The following DNAJC24 variants were observed in gnomAD, a reference collection of about 807,000 sequenced individuals.
DNAJC24 encodes the protein dnaJ homolog subfamily C member 24.
Under a neutral mutation model 18.0 loss-of-function variants are expected in DNAJC24, and 17 were observed. That is an observed-to-expected ratio of 0.94 (90% CI 0.65 to 1.42). The LOEUF (loss-of-function observed/expected upper bound fraction) is 1.42, where lower values mean the gene tolerates loss of function less well. Among genes scored for constraint, DNAJC24 ranks in the 40% most tolerant of loss-of-function variants. DNAJC24 has a pLI of 0.00. For synonymous variants in DNAJC24, 55 were observed against 57.7 expected, an observed-to-expected ratio of 0.95 and a Z score of 0.21; for missense variants, 158 against 175.6, an observed-to-expected ratio of 0.90 and a Z score of 0.57.
intron 2 of DNAJC24, among the ~76,000 whole-genome samples, chr11:31,377,826 A>T (rs932817329): frequency 6.6e-6 from 1 of 152,130 alleles, no homozygotes; most frequent in Non-Finnish European, 1.5e-5. Flanking sequence ...GGAAAATTAT[A>T]TGCTTCTGTT....
In DNAJC24 at chr11:31,430,225, T is replaced by G. The variant is rs1277787285; in HGVS notation, c.320-46T>G. 5.2e-6 allele frequency: 8 copies of G among 1,548,960 alleles called. No homozygotes were observed. The South Asian group carries it at 8.4e-5, about 16-fold the overall frequency. On this transcript the variant is annotated intron_variant, in intron 4 of 4. Coordinates refer to ENST00000465995, the MANE Select transcript of DNAJC24 (RefSeq NM_181706.5). ...GCACCTTTTAAGGGTATTAGTGAGG[T>G]AGTTACTTACAAGTCTTTGAAAGAT... is the stretch of plus-strand genomic sequence containing the variant.
chr11:31,390,392 T>C (rs1477810626), intron 2 of DNAJC24, among the ~76,000 whole-genome samples: 32 of 83,502 alleles, frequency 3.8e-4, no homozygotes, highest in African/African-American at 1.7e-3. Context: ...CAAGACTCTA[T>C]CTCAAAAAAA....
intron 2 of DNAJC24, chr11:31,384,658 C>G (rs760132935): frequency 2.0e-5 from 3 of 152,222 alleles, no homozygotes; most frequent in Non-Finnish European, 4.4e-5. Flanking sequence ...AGCCACACAG[C>G]ATGTGAAGTG....
chr11:31,379,070 T>C (rs1324714608), intron 2 of DNAJC24, among the ~76,000 whole-genome samples: 4 of 152,200 alleles, frequency 2.6e-5, no homozygotes, highest in Non-Finnish European at 5.9e-5. Flanking sequence ...AAGCCAGCTC[T>C]GGTATTTGTT....
intron 3 of DNAJC24, among the ~76,000 whole-genome samples, chr11:31,420,383 A>G (rs921774055): frequency 6.6e-6 from 1 of 152,076 alleles, no homozygotes; most frequent in African/African-American, 2.4e-5. Context: ...TGAACTAAAG[A>G]CACAGAATTG....
chr11:31,377,489 G>T (rs1952329181), intron 2 of DNAJC24, among the ~76,000 whole-genome samples: 1 of 151,970 alleles, frequency 6.6e-6, no homozygotes, highest in Non-Finnish European at 1.5e-5. Flanking sequence ...AAAAATAAAA[G>T]TAATTGAACC....
intron 2 of DNAJC24, among the ~76,000 whole-genome samples, chr11:31,376,620 A>T (rs1357265431): frequency 6.6e-6 from 1 of 152,198 alleles, no homozygotes; most frequent in South Asian, 2.1e-4. Flanking sequence ...TTTGTCAGAA[A>T]CACAGAATTA....
intron 2 of DNAJC24, among the ~76,000 whole-genome samples, chr11:31,396,852 A>T (rs1233656974): frequency 1.3e-5 from 2 of 152,062 alleles, no homozygotes; most frequent in African/African-American, 4.8e-5. Context: ...TTCCCTATCC[A>T]ACCATTCTTT....
chr11:31,412,402 G>T (rs755617409), intron 2 of DNAJC24, among the ~76,000 whole-genome samples: 1 of 152,048 alleles, frequency 6.6e-6, no homozygotes, highest in Non-Finnish European at 1.5e-5. Context: ...CCCTGTAAAC[G>T]TATCATAAAT....
At chr11:31,416,837 T>C (rs1352793480) in intron 3 of DNAJC24, 3 of 152,168 alleles carry the variant, frequency 2.0e-5, no homozygotes, top group East Asian at 3.9e-4. Flanking sequence ...AATCATCATA[T>C]TCATGCCTTT....
intron 3 of DNAJC24, among the ~76,000 whole-genome samples, chr11:31,418,948 A>C (rs1952778073): frequency 6.6e-6 from 1 of 152,092 alleles, no homozygotes; most frequent in Admixed American, 6.6e-5. Context: ...TTAAAACCCC[A>C]CCAACAAGTA....
chr11:31,375,106 G>A (rs1952300372), intron 2 of DNAJC24, among the ~76,000 whole-genome samples: 1 of 135,176 alleles, frequency 7.4e-6, no homozygotes, highest in Admixed American at 7.6e-5. Context: ...TTGAGCCCAG[G>A]AGTTCAAGGC....
intron 4 of DNAJC24, 82 bp downstream of exon 4, chr11:31,426,437 A>G (rs1249123954): frequency 7.8e-6 from 6 of 770,170 alleles, no homozygotes; most frequent in South Asian, 5.6e-5. Flanking sequence ...GGATATTTGG[A>G]AATCTTAAAA....
chr11:31,402,967 A>C (rs1022381179), intron 2 of DNAJC24, among the ~76,000 whole-genome samples: 10 of 152,180 alleles, frequency 6.6e-5, no homozygotes, highest in Non-Finnish European at 1.5e-4. Flanking sequence ...TTGTATATGC[A>C]GTTTGTCATT....
At chr11:31,429,268 G>A (rs1041384232) in intron 4 of DNAJC24, among the ~76,000 whole-genome samples, 2 of 150,662 alleles carry the variant, frequency 1.3e-5, no homozygotes, top group Non-Finnish European at 3.0e-5. Flanking sequence ...TTAATTGCCA[G>A]TTTTTCCAAG....
chr11:31,397,229 T>C (rs1952550712), intron 2 of DNAJC24, among the ~76,000 whole-genome samples: 1 of 152,232 alleles, frequency 6.6e-6, no homozygotes, highest in Non-Finnish European at 1.5e-5. Flanking sequence ...GCTGGCACAA[T>C]GTCTGGCTTG....
chr11:31,414,982 C>A (rs201394853), intron 3 of DNAJC24, 33 bp downstream of exon 3: 5 of 1,604,774 alleles, frequency 3.1e-6, no homozygotes, highest in Non-Finnish European at 4.3e-6. Flanking sequence ...CACAGCACAT[C>A]GGCAACTCTT....
intron 2 of DNAJC24, among the ~76,000 whole-genome samples, chr11:31,406,468 C>T (rs1361781390): frequency 5.3e-5 from 8 of 152,190 alleles, no homozygotes; most frequent in Admixed American, 5.2e-4. Context: ...CTGTGCTGAT[C>T]TTTGCACAGA....
intron 2 of DNAJC24, among the ~76,000 whole-genome samples, chr11:31,391,216 G>A (rs184347322): frequency 2.0e-5 from 3 of 152,230 alleles, no homozygotes; most frequent in Admixed American, 1.3e-4. Flanking sequence ...CATCATAAAC[G>A]CCATATAGGA....
Sources: gnomAD v4.1 joint callset for allele counts (sites outside exome capture counted in the v4.1 genomes callset) on GRCh38, gnomAD v4.1.1 for gene constraint, MANE v1.5 for transcripts, NCBI Gene and HGNC (gene_info 2026-07-23, HGNC 2026-07-21) for gene names.